Variants in SMG5 observed in about 807,000 individuals in gnomAD.
SMG5 encodes nonsense-mediated mRNA decay factor SMG5.
SMG5 carries 53 observed loss-of-function variants against 122.9 expected under a neutral mutation model. The ratio of observed to expected loss-of-function variants is 0.43; its 90% CI spans 0.35 to 0.54. SMG5 has a LOEUF of 0.54. Among genes scored for constraint, SMG5 ranks in the 20% least tolerant of loss-of-function variants. SMG5 has a pLI of 0.01. For synonymous variants in SMG5, 477 were observed against 490.2 expected, an observed-to-expected ratio of 0.97 and a Z score of 0.35; for missense variants, 1,153 against 1,285.6, an observed-to-expected ratio of 0.90 and a Z score of 1.58.
In SMG5 at chr1:156,250,441, C is replaced by T; in HGVS notation, c.*146G>A. 8.1e-6 allele frequency: 6 copies of T among 740,594 alleles called. No homozygotes were observed. The Middle Eastern group carries it at 1.5e-3, about 182-fold the overall frequency. The allele number at this position is 740,594 out of a possible 1,614,324, so 45.9% of individuals were successfully genotyped here. A position where few individuals can be genotyped will look rare whatever the true frequency, so the allele number is the denominator to read the frequency against. ...CCTCCCAGCCGGCTCCTGGGCCCTCCCTGCAGCCTCTGAGCAGCTAGGCCT... is the reference window on the plus strand; with the variant it reads ...CCTCCCAGCCGGCTCCTGGGCCCTCTCTGCAGCCTCTGAGCAGCTAGGCCT... On this transcript the variant is annotated 3_prime_UTR_variant, in exon 22 of 22. Transcript: ENST00000361813.
At chr1:156,266,798 A>T in intron 10 of SMG5, 120 bp from the exon 11 acceptor site, 14 of 1,036,606 alleles carry the variant, frequency 1.4e-5, no homozygotes, top group Admixed American at 3.3e-5. Context: ...CTTATCAAAG[A>T]TTCTTTTTTT....
rs772768613 is a variant in SMG5 at position 156,266,078 on chromosome 1, C to G, written c.1558G>C (p.Glu520Gln). 5 of 1,614,204 alleles carry G rather than the reference C, an allele frequency of 3.1e-6. No individual in the cohort carries two copies. The highest frequency in any genetic ancestry group is 4.2e-6 in the Non-Finnish European group (5 of 1,180,030). Residue 520 changes from glutamate to glutamine, a missense_variant, in exon 12 of 22, where the codon GAG (glutamate) becomes CAG (glutamine). By Grantham distance (29) the Glu-to-Gln change is conservative. Transcript: ENST00000361813. ...ATATCTTCCAAGTCTGATCGGGACTCCTGGCTATTCATTTCCGAGTCTGTT... is the reference window on the plus strand; with the variant it reads ...ATATCTTCCAAGTCTGATCGGGACTGCTGGCTATTCATTTCCGAGTCTGTT... ...AETDSEMNSQESRSDLEDMEE... is the reference protein window; with the variant it reads ...AETDSEMNSQQSRSDLEDMEE...
At chr1:156,251,177 C>A in intron 20 of SMG5, 181 bp from the exon 21 acceptor site, 1 of 937,362 alleles carries the variant, frequency 1.1e-6, no homozygotes, top group Non-Finnish European at 1.6e-6. Context: ...GGGAAAACAC[C>A]AAGCCTGAGC....
intron 12 of SMG5, 131 bp downstream of exon 12, chr1:156,265,650 C>G: frequency 1.6e-5 from 22 of 1,379,680 alleles, no homozygotes; most frequent in Non-Finnish European, 2.2e-5. Flanking sequence ...ATGGGCTACA[C>G]CACAGGCAGA....
At chr1:156,270,810 C>T (rs1662376731) in intron 7 of SMG5, among the ~76,000 whole-genome samples, 2 of 152,154 alleles carry the variant, frequency 1.3e-5, no homozygotes, top group African/African-American at 4.8e-5. Flanking sequence ...GAGTTTGAGA[C>T]CAGCCTGAGC....
intron 13 of SMG5, among the ~76,000 whole-genome samples, chr1:156,261,727 A>C (rs1270039116): frequency 1.3e-5 from 2 of 151,944 alleles, no homozygotes; most frequent in Admixed American, 1.3e-4. Context: ...ATCCCTACTA[A>C]AAATACAAAA....
rs764719810 is a variant in SMG5 at position 156,260,622 on chromosome 1, C to A, written c.2112G>T (p.Leu704=). The A allele has an allele frequency of 9.3e-6, 14 of 1,499,826 alleles. No homozygotes were observed. In the South Asian group the frequency reaches 1.5e-4, roughly 16 times the overall value. 92.9% of individuals were successfully genotyped at this position (1,499,826 alleles called of 1,614,324 possible). The change falls in exon 15 of 22, where the codon CTG becomes CTT. Residue 704 remains leucine, a synonymous_variant. Coordinates refer to ENST00000361813, the MANE Select transcript of SMG5 (RefSeq NM_015327.3). ...PAAGELQESG[L]ALCPEVQDLL... is the part of the protein sequence containing the mutation. ...GATCTTGGACCTCAGGACACAAGGC[C>A]AGGCCTGGGCAGAAGAAGGACACAT...
In SMG5 at chr1:156,259,039, C is replaced by T. The variant is rs780879939; in HGVS notation, c.2408G>A (p.Ser803Asn). 22 of 1,613,684 alleles carry T rather than the reference C, an allele frequency of 1.4e-5. No homozygotes were observed. The highest frequency in any genetic ancestry group is 1.8e-5 in the Non-Finnish European group (21 of 1,179,880). Reference sequence around the variant, plus strand: ...CTGTGCCTGGGCCTGCTGCAGCAGGCTCTCCTGCTCAGACTGGGCAATGCT... The same window carrying T: ...CTGTGCCTGGGCCTGCTGCAGCAGGTTCTCCTGCTCAGACTGGGCAATGCT... ...FVSIAQSEQE[S>N]LLQQAQAQFR... Residue 803 changes from serine to asparagine, a missense_variant, in exon 16 of 22, where the codon AGC becomes AAC. By Grantham distance (46) the Ser-to-Asn change is conservative. Around this residue, in one of 5 missense-constraint regions of SMG5, gnomAD observed 140 missense variants for 227.8 expected, o/e 0.61. Coordinates refer to ENST00000361813, the MANE Select transcript of SMG5 (RefSeq NM_015327.3).
chr1:156,279,845 A>G (rs1662852271), intron 1 of SMG5, among the ~76,000 whole-genome samples: 1 of 152,326 alleles, frequency 6.6e-6, no homozygotes, highest in East Asian at 1.9e-4. Context: ...TTTGTTGAAC[A>G]TAGTGGTTAA....
chr1:156,249,726 G>A lies in SMG5; in HGVS notation c.*861C>T. On this transcript the variant is annotated 3_prime_UTR_variant, in exon 22 of 22. Coordinates refer to ENST00000361813, the MANE Select transcript of SMG5 (RefSeq NM_015327.3). ...TTCAGCCCTCCCTTAGATAGGAAGG[G>A]GGGTGGTGGCCTCAGACTGCACCCC... The A allele has an allele frequency of 8.5e-6, 4 of 469,632 alleles. No homozygotes were observed. Among genetic ancestry groups the A allele is most frequent in the South Asian group, 6.2e-5 (4 of 64,510 alleles). 29.1% of individuals were successfully genotyped at this position (469,632 alleles called of 1,614,324 possible).
At chr1:156,279,139 G>T in intron 1 of SMG5, 105 bp from the exon 2 acceptor site, 1 of 946,332 alleles carries the variant, frequency 1.1e-6, no homozygotes, top group South Asian at 1.4e-5. Flanking sequence ...TAGCGGTGAG[G>T]GAAAAAGGAG....
intron 16 of SMG5, among the ~76,000 whole-genome samples, chr1:156,256,315 T>C (rs1047645392): frequency 6.4e-5 from 9 of 139,804 alleles, no homozygotes; most frequent in South Asian, 2.2e-4. Flanking sequence ...TCTCTCTTTT[T>C]TTTTTTTTTT....
rs1479491451 is a variant in SMG5 at position 156,266,236 on chromosome 1, T to C, written c.1400A>G (p.Lys467Arg). 6.8e-6 allele frequency: 11 copies of C among 1,613,954 alleles called. No individual in the cohort carries two copies. Among genetic ancestry groups the C allele is most frequent in the East Asian group, 2.2e-5 (1 of 44,886 alleles). The change falls in exon 12 of 22, where the codon AAA becomes AGA. Residue 467 changes from lysine to arginine, a missense_variant. Transcript: ENST00000361813. ...SCLRRRRHPPKVGDDSDLSEG... is the reference protein window; with the variant it reads ...SCLRRRRHPPRVGDDSDLSEG... ...ACTCAGGTCACTGTCATCACCAACT[T>C]TGGGTGGGTGGCGGCGACGGCGGAG...
chr1:156,257,569 A>G (rs764596846), intron 16 of SMG5, among the ~76,000 whole-genome samples: 2 of 152,050 alleles, frequency 1.3e-5, no homozygotes, highest in Non-Finnish European at 2.9e-5. Flanking sequence ...AACTCCTAAC[A>G]TTTTTTGAAG....
chr1:156,267,522 G>A lies in SMG5; in HGVS notation c.1065C>T (p.Ile355=), dbSNP rs779616550. 4 of 1,614,062 alleles carry A rather than the reference G, an allele frequency of 2.5e-6. No individual in the cohort carries two copies. The South Asian group carries it at 3.3e-5, about 13-fold the overall frequency. The change falls in exon 10 of 22, where the codon ATC becomes ATT. Residue 355 remains isoleucine (I), a synonymous_variant. Transcript: ENST00000361813. ...TAAGGCAGATGATGACCATTTGAAA[G>A]ATGAGAAGGTCCGGGAGGAAAGCAT... is the stretch of plus-strand genomic sequence containing the variant. ...SGYAFLPDLL[I]FQMVIICLMC...
At chr1:156,250,800 T>C in intron 21 of SMG5, 58 bp downstream of exon 21, 6 of 1,607,650 alleles carry the variant, frequency 3.7e-6, no homozygotes, top group Non-Finnish European at 5.1e-6. Context: ...GGGGATGGAG[T>C]CTGCTCTGGT....
rs116167517 is a variant in SMG5 at position 156,261,556 on chromosome 1, C to T, written c.2032-148G>A. 2.0e-3 allele frequency: 1,327 copies of T among 675,736 alleles called. 13 individuals carry two copies. The African/African-American group carries it at 0.021, about 11-fold the overall frequency. The allele number at this position is 675,736 out of a possible 1,614,324, so 41.9% of individuals were successfully genotyped here. A position where few individuals can be genotyped will look rare whatever the true frequency, so the allele number is the denominator to read the frequency against. On this transcript the variant is annotated intron_variant, in intron 13 of 21. Coordinates refer to ENST00000361813, the MANE Select transcript of SMG5 (RefSeq NM_015327.3). ...TTAAAATTAACAAAAGAAGCCTGGA[C>T]AACAAGGCAAAACCTTGTCTCTACA...
At chr1:156,290,432 G>A in the SMG5 span, 3 of 152,096 alleles carry the variant, frequency 2.0e-5, no homozygotes, top group East Asian at 1.9e-4. Flanking sequence ...AGCACTTTGG[G>A]AGGCCAAGGC....
At chr1:156,254,616 G>A (rs971723153) in intron 16 of SMG5, among the ~76,000 whole-genome samples, 1 of 152,012 alleles carries the variant, frequency 6.6e-6, no homozygotes, top group Non-Finnish European at 1.5e-5. Flanking sequence ...GCTAATTTTG[G>A]TATTTTTTGT....
Sources: gnomAD v4.1 joint callset for allele counts (sites outside exome capture counted in the v4.1 genomes callset) on GRCh38, gnomAD v4.1.1 for gene constraint, gnomAD v4.1.1 regional missense constraint, MANE v1.5 for transcripts, NCBI Gene and HGNC (gene_info 2026-07-23, HGNC 2026-07-21) for gene names.